Variants in EPHA2 observed in about 807,000 individuals in gnomAD.
EPHA2 encodes EPH receptor A2, also known as ephrin type-A receptor 2.
Under a neutral mutation model 104.9 loss-of-function variants are expected in EPHA2, and 54 were observed. That is an observed-to-expected ratio of 0.51 (90% confidence interval 0.41 to 0.65). The LOEUF (loss-of-function observed/expected upper bound fraction) is 0.65. Ranked by LOEUF, EPHA2 falls within the 30% of genes least tolerant of loss-of-function variation. The pLI, the probability that EPHA2 is intolerant of heterozygous loss-of-function variation, is 0.00. For synonymous variants in EPHA2, 560 were observed against 559.1 expected (o/e 1.00, Z -0.02); for missense variants, 1,117 against 1,369.5 (o/e 0.82, Z 2.91).
intron 3 of EPHA2, among the ~76,000 whole-genome samples, chr1:16,142,642 G>A (rs2024844913): frequency 6.6e-6 from 1 of 150,614 alleles, no homozygotes; most frequent in South Asian, 2.1e-4. Flanking sequence ...TGGGTGGGTT[G>A]GTGGGTGGAC....
At chr1:16,132,997 G>C in intron 11 of EPHA2, 183 bp downstream of exon 11, 1 of 745,086 alleles carries the variant, frequency 1.3e-6, no homozygotes, top group Admixed American at 2.2e-5. Context: ...ATGGGGGGAA[G>C]GTGGGCACAG....
Position 16,125,428 on chromosome 1 carries a change from G to A in EPHA2, c.2826-108C>T, listed in dbSNP as rs1570390676. 3.8e-6 allele frequency: 3 copies of A among 785,674 alleles called. No homozygotes were observed. The East Asian group carries it at 8.3e-5, about 22-fold the overall frequency. The allele number at this position is 785,674 out of a possible 1,614,324, so 48.7% of individuals were successfully genotyped here. ...GCGGCTGGGGAGGGGAGTGGAGGGAGGCAGAGGAGGAGGGTGGAGAGGGTG... is the reference window on the plus strand; with the variant it reads ...GCGGCTGGGGAGGGGAGTGGAGGGAAGCAGAGGAGGAGGGTGGAGAGGGTG... On this transcript the variant is annotated intron_variant, in intron 16 of 16. Transcript: ENST00000358432. This position sits in a 1 kb window ranked among gnomAD's most constrained non-coding sequence, Gnocchi z 4.9.
chr1:16,150,856 C>T lies in EPHA2; in HGVS notation c.153+40G>A. On this transcript the variant is annotated intron_variant, in intron 2 of 16. Transcript: ENST00000358432. The surrounding 1 kb of genome is among the most constrained non-coding windows in gnomAD (Gnocchi z 4.8). ...TCCATCTCTACAGGGGACCAGCAGC[C>T]CCATTCTCACACCTCTCCCCACCCC... 6.2e-7 allele frequency: 1 copy of T among 1,610,710 alleles called. No homozygotes were observed. Among genetic ancestry groups the T allele is most frequent in the South Asian group, 1.1e-5 (1 of 91,008 alleles).
chr1:16,143,587 G>A (rs1394511787), intron 3 of EPHA2, among the ~76,000 whole-genome samples: 1 of 152,124 alleles, frequency 6.6e-6, no homozygotes, highest in Non-Finnish European at 1.5e-5. Context: ...AGCATGAGGT[G>A]ACTCAGGGAC....
intron 16 of EPHA2, among the ~76,000 whole-genome samples, chr1:16,127,482 C>G (rs1406583958): frequency 6.6e-6 from 1 of 151,998 alleles, no homozygotes; most frequent in Non-Finnish European, 1.5e-5. Flanking sequence ...GGCAGCTGGT[C>G]CCCTGGGAGG....
chr1:16,133,969 G>T, intron 8 of EPHA2, 54 bp from the exon 9 acceptor site: 1 of 1,532,644 alleles, frequency 6.5e-7, no homozygotes, highest in Admixed American at 2.0e-5. Flanking sequence ...GGTCTGCTCC[G>T]GCCAGGGAAG....
chr1:16,129,027 T>G (rs531914454), intron 16 of EPHA2, among the ~76,000 whole-genome samples: 1 of 151,840 alleles, frequency 6.6e-6, no homozygotes, highest in East Asian at 2.0e-4. Flanking sequence ...CTCCCCCTCA[T>G]GGCTGTGGGA....
In EPHA2 at chr1:16,129,379, A is replaced by T. The variant is rs1246800140; in HGVS notation, c.2825+55T>A. The T allele has an allele frequency of 6.3e-6, 10 of 1,583,922 alleles. No homozygotes were observed. The East Asian group carries it at 2.3e-4, about 36-fold the overall frequency. On this transcript the variant is annotated intron_variant, in intron 16 of 16. Coordinates refer to ENST00000358432, the MANE Select transcript of EPHA2 (RefSeq NM_004431.5). Reference sequence around the variant, plus strand: ...AGAGGGCTGGGGGGGGCATGGAGGCAGCCTCTGGAGTGGGAGGCGGGAGGC... The same window carrying T: ...AGAGGGCTGGGGGGGGCATGGAGGCTGCCTCTGGAGTGGGAGGCGGGAGGC...
At position 16,155,967 on chromosome 1, in the gene EPHA2, G is replaced by C; in HGVS notation, c.-35C>G. The C allele has an allele frequency of 1.4e-6, 2 of 1,468,028 alleles. No homozygotes were observed. Among genetic ancestry groups the C allele is most frequent in the Non-Finnish European group, 1.8e-6 (2 of 1,114,988 alleles). 90.9% of individuals were successfully genotyped at this position (1,468,028 alleles called of 1,614,324 possible). A position where few individuals can be genotyped will look rare whatever the true frequency, so the allele number is the denominator to read the frequency against. On this transcript the variant is annotated 5_prime_UTR_variant, in exon 1 of 17. Coordinates refer to ENST00000358432, the MANE Select transcript of EPHA2 (RefSeq NM_004431.5). ...CTCGCTCTCGGTCCGATCCCCCCGAGCCCGGCTCCCGCACACCCGCACGCC... is the reference window on the plus strand; with the variant it reads ...CTCGCTCTCGGTCCGATCCCCCCGACCCCGGCTCCCGCACACCCGCACGCC...
Position 16,131,717 on chromosome 1 carries a change from C to A in EPHA2, c.2475+4G>T, listed in dbSNP as rs2124198819. ...ACAGGCCTGGGGAGGGCAAGGGCACCCACCTCGTGGTTGGACAACTCCCAG... is the reference window on the plus strand; with the variant it reads ...ACAGGCCTGGGGAGGGCAAGGGCACACACCTCGTGGTTGGACAACTCCCAG... On this transcript the variant is annotated splice_donor_region_variant and intron_variant, in intron 14 of 16. Transcript: ENST00000358432. This position sits in a 1 kb window ranked among gnomAD's most constrained non-coding sequence, Gnocchi z 5.2. 2 of 1,613,958 alleles carry A rather than the reference C, an allele frequency of 1.2e-6. No individual in the cohort carries two copies. Among genetic ancestry groups the A allele is most frequent in the South Asian group, 2.2e-5 (2 of 91,078 alleles).
In EPHA2 at chr1:16,131,968, G is replaced by T; in HGVS notation, c.2325+96C>A. ...GACCCCTCCCTGGACTCCTACAGGT[G>T]TTCTGCCTCCTGAAGCACTGCCCAG... On this transcript the variant is annotated intron_variant, in intron 13 of 16. Coordinates refer to ENST00000358432, the MANE Select transcript of EPHA2 (RefSeq NM_004431.5). The surrounding 1 kb of genome is among the most constrained non-coding windows in gnomAD (Gnocchi z 5.2). The T allele has an allele frequency of 6.2e-7, 1 of 1,605,530 alleles. No individual in the cohort carries two copies. Among genetic ancestry groups the T allele is most frequent in the Non-Finnish European group, 8.5e-7 (1 of 1,175,332 alleles).
At chr1:16,141,094 G>A (rs1479265959) in intron 3 of EPHA2, among the ~76,000 whole-genome samples, 1 of 152,178 alleles carries the variant, frequency 6.6e-6, no homozygotes, top group Non-Finnish European at 1.5e-5. Flanking sequence ...TCAACATTCT[G>A]AAACAAGCCT....
rs972911039 is a variant in EPHA2, at chr1:16,150,137, C to T, written c.153+759G>A. On this transcript the variant is annotated intron_variant, in intron 2 of 16. Transcript: ENST00000358432. The surrounding 1 kb of genome is among the most constrained non-coding windows in gnomAD (Gnocchi z 4.8). ...GAGCTAGGGTGACCGGGGACAAGAA[C>T]TCGACTCATGCAGATCTGGCCAGCT... 2.6e-5 allele frequency among the ~76,000 whole-genome samples: 4 copies of T among 152,182 alleles called. No individual in the cohort carries two copies. Among genetic ancestry groups the T allele is most frequent in the Non-Finnish European group, 5.9e-5 (4 of 68,034 alleles).
At chr1:16,153,825 A>C (rs1408078149) in intron 1 of EPHA2, among the ~76,000 whole-genome samples, 1 of 152,090 alleles carries the variant, frequency 6.6e-6, no homozygotes, top group Non-Finnish European at 1.5e-5. Flanking sequence ...CTGCCCCCTA[A>C]GCCACCCCCA....
At chr1:16,133,117 CACAG>C (rs1427408918) in intron 11 of EPHA2, 59 bp downstream of exon 11, 1 of 1,603,308 alleles carries the variant, frequency 6.2e-7, no homozygotes, top group African/African-American at 1.3e-5. Context: ...TGGGCACAGT[CACAG>C]ACAGAGCCCC....
intron 5 of EPHA2, among the ~76,000 whole-genome samples, chr1:16,136,632 G>T (rs2024690542): frequency 7.0e-6 from 1 of 141,914 alleles, no homozygotes; most frequent in Admixed American, 7.1e-5. Flanking sequence ...AAAAAAAGAA[G>T]AAGAAGAAGA....
intron 3 of EPHA2, among the ~76,000 whole-genome samples, chr1:16,143,529 G>A (rs576817695): frequency 3.9e-5 from 6 of 152,178 alleles, no homozygotes; most frequent in South Asian, 4.1e-4. Flanking sequence ...CTGCACCTCC[G>A]GCTATACCCT....
At position 16,128,864 on chromosome 1, in the gene EPHA2, C is replaced by T. The variant is rs2024518112; in HGVS notation, c.2825+570G>A. Among the ~76,000 whole-genome samples, 1 of 152,092 alleles carries T rather than the reference C, an allele frequency of 6.6e-6. No homozygotes were observed. The highest frequency in any genetic ancestry group is 2.4e-5 in the African/African-American group (1 of 41,414). Reference sequence around the variant, plus strand: ...CCGGGGTAGGCCAGGGGTTCTCTCTCCTGGGCAGCAGTCAGGGCATCTTGG... The same window carrying T: ...CCGGGGTAGGCCAGGGGTTCTCTCTTCTGGGCAGCAGTCAGGGCATCTTGG... On this transcript the variant is annotated intron_variant, in intron 16 of 16. Transcript: ENST00000358432. The surrounding 1 kb of genome is among the most constrained non-coding windows in gnomAD (Gnocchi z 4.7).
chr1:16,124,485 G>A lies in EPHA2; in HGVS notation c.*730C>T, dbSNP rs1029866772. The A allele has an allele frequency of 5.9e-5, 9 of 152,534 alleles. No individual in the cohort carries two copies. Among genetic ancestry groups the A allele is most frequent in the African/African-American group, 2.2e-4 (9 of 41,452 alleles). 9.4% of individuals were successfully genotyped at this position (152,534 alleles called of 1,614,324 possible). Reference sequence around the variant, plus strand: ...TGACAGAATAGAAACTTATCCAAAAGGATGAGAGATGGGGCCGACTGGGGC... The same window carrying A: ...TGACAGAATAGAAACTTATCCAAAAAGATGAGAGATGGGGCCGACTGGGGC... On this transcript the variant is annotated 3_prime_UTR_variant, in exon 17 of 17. Transcript: ENST00000358432.
Sources: gnomAD v4.1 joint callset for allele counts (sites outside exome capture counted in the v4.1 genomes callset) on GRCh38, gnomAD v4.1.1 for gene constraint, Gnocchi (gnomAD v3.1) non-coding constraint, MANE v1.5 for transcripts, NCBI Gene and HGNC (gene_info 2026-07-23, HGNC 2026-07-21) for gene names.